PPFIA2: variants seen among roughly 807,000 people sequenced by gnomAD.
PPFIA2 encodes liprin-alpha-2.
In PPFIA2, 46 loss-of-function variants were observed where a neutral mutation model predicts 175.5. The observed-to-expected ratio is 0.26, with a 90% confidence interval of 0.21 to 0.34. The LOEUF is 0.34. PPFIA2 is among the 10% of genes least tolerant of loss of function. PPFIA2 has a pLI of 1.00. For synonymous variants in PPFIA2, 568 were observed against 511.4 expected (o/e 1.11, Z -1.49); for missense variants, 1,179 against 1,506.1 (o/e 0.78, Z 3.60).
intron 18 of PPFIA2, among the ~76,000 whole-genome samples, chr12:81,345,300 A>G (rs2058863312): frequency 6.6e-6 from 1 of 152,118 alleles, no homozygotes; most frequent in Non-Finnish European, 1.5e-5. Flanking sequence ...GGTGTTAAGG[A>G]CTTCCTGGAT....
At chr12:81,616,119 G>T (rs902356147) in intron 4 of PPFIA2, among the ~76,000 whole-genome samples, 3 of 152,052 alleles carry the variant, frequency 2.0e-5, no homozygotes, top group East Asian at 3.9e-4. Flanking sequence ...TTGGGGGAGA[G>T]AATTTTGGAT....
At chr12:81,669,043 T>C (rs1317786430) in intron 4 of PPFIA2, among the ~76,000 whole-genome samples, 1 of 152,046 alleles carries the variant, frequency 6.6e-6, no homozygotes, top group Non-Finnish European at 1.5e-5. Flanking sequence ...TCTCATAAGG[T>C]TTCTATTCCA....
intron 7 of PPFIA2, among the ~76,000 whole-genome samples, chr12:81,429,511 G>A (rs2047726696): frequency 6.6e-6 from 1 of 151,934 alleles, no homozygotes; most frequent in Non-Finnish European, 1.5e-5. Flanking sequence ...CCTTAATAGA[G>A]TATTGTTCAG....
At chr12:81,512,290 T>C in intron 4 of PPFIA2, 1 of 1,287,668 alleles carries the variant, frequency 7.8e-7, no homozygotes, top group Non-Finnish European at 1.0e-6. Flanking sequence ...ATACCTGATG[T>C]CCTGGTCGGC....
intron 8 of PPFIA2, among the ~76,000 whole-genome samples, chr12:81,389,634 TAA>T (rs781515368): frequency 6.6e-6 from 1 of 152,058 alleles, no homozygotes; most frequent in African/African-American, 2.4e-5. Flanking sequence ...AATATCAGAA[TAA>T]AAAGTCATAT....
intron 4 of PPFIA2, among the ~76,000 whole-genome samples, chr12:81,511,945 G>A (rs2061843233): frequency 6.6e-6 from 1 of 151,428 alleles, no homozygotes; most frequent in South Asian, 2.1e-4. Flanking sequence ...AAAAAAAAAA[G>A]ATAATAGTCT....
intron 3 of PPFIA2, among the ~76,000 whole-genome samples, chr12:81,683,368 C>T (rs2073973293): frequency 6.8e-6 from 1 of 146,114 alleles, no homozygotes; most frequent in South Asian, 2.2e-4. Context: ...ATATATATAG[C>T]TTTCTAACTG....
Position 81,406,547 on chromosome 12 carries a change from GACATAATT to G in PPFIA2, c.646-652_646-645del, listed in dbSNP as rs575103388. ...TGCAAACTTTCAGCTCAATTTTAAT[GACATAATT>G]ATTTCAATTAAAAAACAAATTCTCG... On this transcript the variant is annotated intron_variant, in intron 7 of 32. Coordinates refer to ENST00000549396, the MANE Select transcript of PPFIA2 (RefSeq NM_003625.5). Among the ~76,000 whole-genome samples the G allele has an allele frequency of 1.1e-4, 16 of 152,080 alleles. No individual in the cohort carries two copies. In the East Asian group the frequency reaches 2.7e-3, roughly 26 times the overall value.
intron 13 of PPFIA2, among the ~76,000 whole-genome samples, chr12:81,368,387 A>C (rs1156850376): frequency 6.6e-6 from 1 of 151,716 alleles, no homozygotes; most frequent in African/African-American, 2.4e-5. Flanking sequence ...CCCCCCAAAA[A>C]AGTATTGACT....
chr12:81,386,083 T>G (rs111744136), intron 8 of PPFIA2, among the ~76,000 whole-genome samples: 1 of 151,448 alleles, frequency 6.6e-6, no homozygotes, highest in Non-Finnish European at 1.5e-5. Context: ...GAGACCAGCC[T>G]GGGTGACATA....
At position 81,461,999 on chromosome 12, in the gene PPFIA2, A is replaced by T. The variant is rs549869788; in HGVS notation, c.304-4133T>A. Among the ~76,000 whole-genome samples the T allele has an allele frequency of 7.9e-5, 12 of 151,992 alleles. No individual in the cohort carries two copies. In the South Asian group the frequency reaches 1.5e-3, roughly 18 times the overall value. ...GTCTTAGCATAGTTCCTGGAAAATT[A>T]AGTAAACAGTAAATCCTTGTTGTGA... On this transcript the variant is annotated intron_variant, in intron 4 of 32. Coordinates refer to ENST00000549396, the MANE Select transcript of PPFIA2 (RefSeq NM_003625.5).
chr12:81,663,402 A>G (rs1185245049), intron 4 of PPFIA2, among the ~76,000 whole-genome samples: 1 of 152,172 alleles, frequency 6.6e-6, no homozygotes, highest in Non-Finnish European at 1.5e-5. Context: ...ATAACAGACA[A>G]ACAGAGAGCC....
chr12:81,688,802 A>ATAT, intron 3 of PPFIA2, among the ~76,000 whole-genome samples: 1 of 140,784 alleles, frequency 7.1e-6, no homozygotes, highest in South Asian at 2.3e-4. Context: ...TGGTTTATTA[A>ATAT]ATATATATAT....
intron 9 of PPFIA2, among the ~76,000 whole-genome samples, chr12:81,378,714 T>A (rs17008459): frequency 0.03 from 4,535 of 152,278 alleles, 212 homozygotes; most frequent in African/African-American, 0.1. Flanking sequence ...ATAAACTTCT[T>A]ACTAAATTTT....
chr12:81,515,687 C>A (rs1364775179), intron 4 of PPFIA2, among the ~76,000 whole-genome samples: 1 of 152,020 alleles, frequency 6.6e-6, no homozygotes, highest in Non-Finnish European at 1.5e-5. Flanking sequence ...AAACTTACCT[C>A]CCCCACATTT....
chr12:81,308,478 A>C lies in PPFIA2; in HGVS notation c.2643-9096T>G, dbSNP rs116684639. On this transcript the variant is annotated intron_variant, in intron 22 of 32. Coordinates refer to ENST00000549396, the MANE Select transcript of PPFIA2 (RefSeq NM_003625.5). ...GAATTTGAACCCCAATAACCTGTCC[A>C]CAGAGTCAGCTCTCTTAACCTCCAT... is the stretch of plus-strand genomic sequence containing the variant. 8.4e-3 allele frequency among the ~76,000 whole-genome samples: 1,283 copies of C among 152,318 alleles called. 26 individuals carry two copies. The highest frequency in any genetic ancestry group is 0.03 in the African/African-American group (1,243 of 41,570).
intron 4 of PPFIA2, among the ~76,000 whole-genome samples, chr12:81,555,447 A>G (rs1015622820): frequency 5.9e-5 from 9 of 151,984 alleles, no homozygotes; most frequent in African/African-American, 2.2e-4. Context: ...TAATTAATGA[A>G]TGATGTTGGC....
intron 4 of PPFIA2, among the ~76,000 whole-genome samples, chr12:81,649,303 T>C (rs1413459955): frequency 6.6e-6 from 1 of 152,100 alleles, no homozygotes. Context: ...AGACAGCCAA[T>C]AAATGCATGA....
chr12:81,587,149 C>G (rs1922409), intron 4 of PPFIA2, among the ~76,000 whole-genome samples: 137,769 of 152,008 alleles, frequency 0.91, 62,699 homozygotes, highest in East Asian at 1. Context: ...ATATGGTTTG[C>G]ATCTGCTTCC....
Sources: allele counts gnomAD v4.1 joint callset (sites outside exome capture counted in the v4.1 genomes callset), GRCh38; gene constraint gnomAD v4.1.1; transcripts MANE v1.5; gene names NCBI Gene and HGNC (gene_info 2026-07-23, HGNC 2026-07-21).